NPEPPS: variants seen among roughly 807,000 people sequenced by gnomAD.
The protein encoded by NPEPPS is aminopeptidase puromycin sensitive, also known as puromycin-sensitive aminopeptidase.
Under a neutral mutation model 115.5 loss-of-function variants are expected in NPEPPS, and 14 were observed. The observed-to-expected ratio is 0.12, with a 90% CI of 0.08 to 0.19. The LOEUF (loss-of-function observed/expected upper bound fraction) is 0.19. Among genes scored for constraint, NPEPPS ranks in the 10% least tolerant of loss-of-function variants. The pLI is 1.00. For synonymous variants in NPEPPS, 285 were observed against 390.6 expected, an observed-to-expected ratio of 0.73 and a Z score of 3.19; for missense variants, 523 against 1,110.8, an observed-to-expected ratio of 0.47 and a Z score of 7.52.
intron 13 of NPEPPS, among the ~76,000 whole-genome samples, chr17:47,598,586 G>C (rs570887851): frequency 6.6e-6 from 1 of 152,234 alleles, no homozygotes; most frequent in African/African-American, 2.4e-5. Context: ...ACGGCAAGAT[G>C]CTGCCTCTAC....
At chr17:47,528,300 CA>C (rs139904870), upstream of NPEPPS, among the ~76,000 whole-genome samples, 683 of 145,666 alleles carry the variant, frequency 4.7e-3, 3 homozygotes, top group Non-Finnish European at 8.0e-3. Flanking sequence ...GACTCCAGCT[CA>C]AAAAAAAAAT....
intron 13 of NPEPPS, among the ~76,000 whole-genome samples, chr17:47,597,488 G>A (rs1293007359): frequency 6.6e-6 from 1 of 151,962 alleles, no homozygotes; most frequent in Non-Finnish European, 1.5e-5. Flanking sequence ...TTTTTCTTGT[G>A]GTCCTACATT....
At chr17:47,603,612 T>G (rs960543984) in intron 15 of NPEPPS, 26 of 230,710 alleles carry the variant, frequency 1.1e-4, no homozygotes, top group African/African-American at 5.9e-4. Context: ...TCATATATAT[T>G]AAGTATTTTC....
chr17:47,572,371 C>T (rs536488309), intron 3 of NPEPPS, among the ~76,000 whole-genome samples: 98 of 152,064 alleles, frequency 6.4e-4, no homozygotes, highest in African/African-American at 2.3e-3. Flanking sequence ...TAGCATTTAA[C>T]AGACATTTGC....
chr17:47,623,003 G>C lies in NPEPPS; in HGVS notation c.*1083G>C. 4.8e-6 allele frequency: 2 copies of C among 420,252 alleles called. No individual in the cohort carries two copies. The highest frequency in any genetic ancestry group is 9.4e-6 in the Non-Finnish European group (2 of 212,870). 26.0% of individuals were successfully genotyped at this position (420,252 alleles called of 1,614,324 possible). On this transcript the variant is annotated 3_prime_UTR_variant, in exon 23 of 23. Coordinates refer to ENST00000322157, the MANE Select transcript of NPEPPS (RefSeq NM_006310.4). ...TGTAAGCCTGTGTGTGCCACTGTTTGCTTCAACAGTATATCCTAATAAGCC... is the reference window on the plus strand; with the variant it reads ...TGTAAGCCTGTGTGTGCCACTGTTTCCTTCAACAGTATATCCTAATAAGCC...
intron 3 of NPEPPS, among the ~76,000 whole-genome samples, chr17:47,573,943 CTG>C (rs200957509): frequency 0.044 from 6,718 of 152,036 alleles, 213 homozygotes; most frequent in Middle Eastern, 0.16. Context: ...TGCGTTTACA[CTG>C]TGAAAAAATT....
chr17:47,585,560 C>T lies in NPEPPS; in HGVS notation c.709C>T (p.Arg237Cys), dbSNP rs377728785. 9.3e-6 allele frequency: 15 copies of T among 1,613,562 alleles called. No homozygotes were observed. The highest frequency in any genetic ancestry group is 2.2e-5 in the East Asian group (1 of 44,890). The change falls in exon 6 of 23, where the codon CGC becomes TGC. Residue 237 changes from arginine to cysteine, a missense_variant. This residue lies in a region of NPEPPS where 144 missense variants were observed against 512.4 expected (regional missense o/e 0.28). Transcript: ENST00000322157. Reference sequence around the variant, plus strand: ...AAATTTAGTGGAAGTGAAGTTTGCCCGCACACCTGTTATGTCTACATATCT... The same window carrying T: ...AAATTTAGTGGAAGTGAAGTTTGCCTGCACACCTGTTATGTCTACATATCT... Reference protein sequence around the residue: ...DENLVEVKFARTPVMSTYLVA... With the variant: ...DENLVEVKFACTPVMSTYLVA...
chr17:47,536,974 A>G (rs1312789124), intron 1 of NPEPPS, among the ~76,000 whole-genome samples: 3 of 150,338 alleles, frequency 2.0e-5, no homozygotes, highest in Non-Finnish European at 4.4e-5. Flanking sequence ...TGGCCTCTCA[A>G]AATGCTGGGA....
At chr17:47,564,442 T>G (rs1350917475) in intron 2 of NPEPPS, among the ~76,000 whole-genome samples, 1 of 152,052 alleles carries the variant, frequency 6.6e-6, no homozygotes, top group Non-Finnish European at 1.5e-5. Flanking sequence ...CTTAGAGAAT[T>G]GAATAATCGT....
chr17:47,529,736 A>C (rs200029608), upstream of NPEPPS, among the ~76,000 whole-genome samples: 1 of 8,032 alleles, frequency 1.2e-4, no homozygotes, highest in South Asian at 3.6e-3. Context: ...TTTCAGTTAC[A>C]TTATATATAT....
In NPEPPS at chr17:47,598,140, GTTAC is replaced by G. The variant is rs148290310; in HGVS notation, c.1537-1533_1537-1530del. On this transcript the variant is annotated intron_variant, in intron 13 of 22. Coordinates refer to ENST00000322157, the MANE Select transcript of NPEPPS (RefSeq NM_006310.4). ...AGAATATTAACATACAAAAATTATT[GTTAC>G]TTCTCATCTGAGCATTTCGTTCCCT... is the stretch of plus-strand genomic sequence containing the variant. Among the ~76,000 whole-genome samples the G allele has an allele frequency of 5.5e-3, 834 of 152,254 alleles. 6 individuals carry two copies. Among genetic ancestry groups the G allele is most frequent in the African/African-American group, 0.02 (811 of 41,562 alleles).
In NPEPPS at chr17:47,622,047, A is replaced by C; in HGVS notation, c.*127A>C. 1 of 1,332,196 alleles carries C rather than the reference A, an allele frequency of 7.5e-7. No individual in the cohort carries two copies. Among genetic ancestry groups the C allele is most frequent in the African/African-American group, 1.5e-5 (1 of 68,276 alleles). 82.5% of individuals were successfully genotyped at this position (1,332,196 alleles called of 1,614,324 possible). On this transcript the variant is annotated 3_prime_UTR_variant, in exon 23 of 23. Transcript: ENST00000322157. The stretch of plus-strand genomic sequence containing the variant: ...CAAACCAGTGGGGGTTGGACAATGA[A>C]TGTAGTTAACTGGTTCCTGCTCACA...
At chr17:47,544,711 CTTT>C (rs938067387) in intron 1 of NPEPPS, among the ~76,000 whole-genome samples, 1 of 114,234 alleles carries the variant, frequency 8.8e-6, no homozygotes, top group Non-Finnish European at 1.7e-5. Flanking sequence ...TTTTTGTATT[CTTT>C]TTTTTTTTTT....
intron 1 of NPEPPS, among the ~76,000 whole-genome samples, chr17:47,525,264 G>A (rs1002396434): frequency 6.6e-6 from 1 of 152,168 alleles, no homozygotes; most frequent in African/African-American, 2.4e-5. Flanking sequence ...GACCAAGGAT[G>A]GGGCCATGTA....
intron 14 of NPEPPS, among the ~76,000 whole-genome samples, chr17:47,599,975 T>C (rs1314200094): frequency 6.6e-6 from 1 of 151,972 alleles, no homozygotes; most frequent in Admixed American, 6.6e-5. Context: ...CATGCCACCA[T>C]GCTCGGCTAA....
intron 2 of NPEPPS, among the ~76,000 whole-genome samples, chr17:47,547,074 G>A (rs547381627): frequency 2.0e-5 from 3 of 151,378 alleles, no homozygotes; most frequent in South Asian, 2.1e-4. Context: ...CTCCTAATTC[G>A]GAGAAAAACA....
intron 22 of NPEPPS, among the ~76,000 whole-genome samples, chr17:47,620,783 G>C (rs958563436): frequency 3.9e-5 from 6 of 152,156 alleles, no homozygotes; most frequent in African/African-American, 1.4e-4. Context: ...TTTGCCAGCT[G>C]GTGTTTAAGA....
upstream of NPEPPS, among the ~76,000 whole-genome samples, chr17:47,530,102 A>AT (rs5820660): frequency 0.96 from 119,002 of 124,498 alleles, 56,971 homozygotes; most frequent in South Asian, 0.99. Flanking sequence ...AAGCCCGGCT[A>AT]TTTTTTTTTT....
At chr17:47,595,632 C>T (rs1053603315) in intron 12 of NPEPPS, among the ~76,000 whole-genome samples, 8 of 151,714 alleles carry the variant, frequency 5.3e-5, no homozygotes, top group Non-Finnish European at 1.0e-4. Context: ...TGCTTGAGCC[C>T]GGGATTTTGA....
Sources: gnomAD v4.1 joint callset for allele counts (sites outside exome capture counted in the v4.1 genomes callset) on GRCh38, gnomAD v4.1.1 for gene constraint, gnomAD v4.1.1 regional missense constraint, MANE v1.5 for transcripts, NCBI Gene and HGNC (gene_info 2026-07-23, HGNC 2026-07-21) for gene names.